FBXO34: variants seen among roughly 807,000 people sequenced by gnomAD.
FBXO34 encodes the protein F-box protein 34, also known as F-box only protein 34.
Under a neutral mutation model 24.5 loss-of-function variants are expected in FBXO34, and 12 were observed. That is an observed-to-expected ratio of 0.49 (90% confidence interval 0.31 to 0.79). The LOEUF is 0.79. FBXO34 is among the 30% of genes least tolerant of loss of function. The probability of loss-of-function intolerance (pLI) is 0.04; values close to 1 mark genes in which losing one functional copy is unlikely to be tolerated. For synonymous variants in FBXO34, 320 were observed against 311.9 expected (o/e 1.03, Z -0.27); for missense variants, 823 against 857.7 (o/e 0.96, Z 0.51).
At chr14:55,371,676 C>A (rs1302422999), downstream of FBXO34, among the ~76,000 whole-genome samples, 5 of 152,088 alleles carry the variant, frequency 3.3e-5, no homozygotes, top group African/African-American at 1.2e-4. Context: ...TGATGGCGGG[C>A]ACCTGTAGTC....
At chr14:55,339,347 G>A (rs1216027795) in intron 1 of FBXO34, 1 of 149,936 alleles carries the variant, frequency 6.7e-6, no homozygotes. Flanking sequence ...TTTCCCTAGG[G>A]TAGGACTTGT....
chr14:55,365,241 A>AC (rs200681206), downstream of FBXO34, among the ~76,000 whole-genome samples: 943 of 145,612 alleles, frequency 6.5e-3, 12 homozygotes, highest in African/African-American at 8.3e-3. Context: ...AAAAAAAAAA[A>AC]AAAACAAAAA....
the FBXO34 span, among the ~76,000 whole-genome samples, chr14:55,377,646 A>C: frequency 6.6e-6 from 1 of 152,224 alleles, no homozygotes; most frequent in Non-Finnish European, 1.5e-5. Flanking sequence ...TACAAAAAAA[A>C]CCCATAAAAG....
the FBXO34 span, chr14:55,377,726 G>C: frequency 4.7e-6 from 4 of 858,486 alleles, no homozygotes; most frequent in African/African-American, 6.8e-5. Context: ...GAGGAGTTTG[G>C]GATTAGGGAA....
chr14:55,279,460 G>A (rs1463150394), intron 1 of FBXO34, among the ~76,000 whole-genome samples: 1 of 152,102 alleles, frequency 6.6e-6, no homozygotes, highest in Non-Finnish European at 1.5e-5. Flanking sequence ...TAATACTATT[G>A]TGGTGTTTTG....
the FBXO34 span, among the ~76,000 whole-genome samples, chr14:55,381,656 A>G: frequency 9.2e-5 from 14 of 152,258 alleles, no homozygotes; most frequent in Non-Finnish European, 1.5e-4. Context: ...ACAAAAAGCT[A>G]TATGTTCTGT....
At chr14:55,356,484 G>C (rs754507672), downstream of FBXO34, among the ~76,000 whole-genome samples, 33 of 152,270 alleles carry the variant, frequency 2.2e-4, no homozygotes, top group South Asian at 1.2e-3. Flanking sequence ...GTCTTGCTCT[G>C]TCGCCCAGAC....
chr14:55,440,078 C>G, the FBXO34 span, among the ~76,000 whole-genome samples: 1 of 151,740 alleles, frequency 6.6e-6, no homozygotes, highest in African/African-American at 2.4e-5. Flanking sequence ...CCAGCCTGGG[C>G]GAGACTCCAT....
chr14:55,432,223 T>A, the FBXO34 span, among the ~76,000 whole-genome samples: 3 of 139,166 alleles, frequency 2.2e-5, no homozygotes, highest in Admixed American at 7.6e-5. Context: ...GCCTGGGCAA[T>A]ATGGGGAAAC....
At chr14:55,332,973 A>G (rs1465182725) in intron 1 of FBXO34, among the ~76,000 whole-genome samples, 1 of 152,194 alleles carries the variant, frequency 6.6e-6, no homozygotes, top group Non-Finnish European at 1.5e-5. Context: ...AAGAGGGCCA[A>G]ATGAGATGTT....
intron 1 of FBXO34, among the ~76,000 whole-genome samples, chr14:55,323,023 A>AAAAAAAAAAC (rs1883195520): frequency 7.8e-6 from 1 of 127,894 alleles, no homozygotes; most frequent in African/African-American, 3.1e-5. Flanking sequence ...AATACAAAAA[A>AAAAAAAAAAC]AAAAAAAAAA....
chr14:55,418,365 A>G, the FBXO34 span, among the ~76,000 whole-genome samples: 1 of 152,204 alleles, frequency 6.6e-6, no homozygotes, highest in Admixed American at 6.5e-5. Context: ...TCAACCTCCA[A>G]TACTACGTGG....
the FBXO34 span, chr14:55,414,116 C>T: frequency 1.6e-5 from 9 of 559,154 alleles, no homozygotes; most frequent in Admixed American, 1.9e-4. Context: ...ATTGAGTCTT[C>T]ATGATGCTAC....
the FBXO34 span, among the ~76,000 whole-genome samples, chr14:55,376,882 G>A: frequency 3.3e-5 from 5 of 152,278 alleles, no homozygotes; most frequent in Middle Eastern, 3.4e-3. Flanking sequence ...GCTAAGGCTC[G>A]TACAGTACAT....
At chr14:55,277,803 G>A (rs1467905101) in intron 1 of FBXO34, among the ~76,000 whole-genome samples, 1 of 152,044 alleles carries the variant, frequency 6.6e-6, no homozygotes, top group Non-Finnish European at 1.5e-5. Flanking sequence ...AACTCTTGTT[G>A]GGTTTCTGAC....
the FBXO34 span, chr14:55,436,464 C>A: frequency 2.8e-6 from 3 of 1,065,264 alleles, no homozygotes; most frequent in East Asian, 2.4e-5. Flanking sequence ...ATCTGAAATT[C>A]TCTTCCCTAC....
intron 1 of FBXO34, among the ~76,000 whole-genome samples, chr14:55,289,320 CAA>C (rs1468725554): frequency 1.3e-5 from 2 of 151,864 alleles, no homozygotes; most frequent in African/African-American, 4.8e-5. Context: ...ACCAAAATTT[CAA>C]AAAAGTTTGT....
downstream of FBXO34, chr14:55,368,145 CATTAT>C (rs1213925609): frequency 6.6e-6 from 1 of 151,988 alleles, no homozygotes; most frequent in Non-Finnish European, 1.5e-5. Flanking sequence ...ATGCCTCTCT[CATTAT>C]AGTTTTCTTG....
chr14:55,436,626 T>A, the FBXO34 span: 2 of 1,614,240 alleles, frequency 1.2e-6, no homozygotes, highest in Middle Eastern at 1.6e-4. Context: ...GAGTTATGGA[T>A]GCCAGAGACA....
Sources: gnomAD v4.1 joint callset for allele counts (sites outside exome capture counted in the v4.1 genomes callset) on GRCh38, gnomAD v4.1.1 for gene constraint, MANE v1.5 for transcripts, NCBI Gene and HGNC (gene_info 2026-07-23, HGNC 2026-07-21) for gene names.